PLEK2: variants seen among roughly 807,000 people sequenced by gnomAD.
PLEK2 encodes the protein pleckstrin 2.
A neutral mutation model predicts 43.8 loss-of-function variants in PLEK2; 29 were observed. The observed-to-expected ratio is 0.66, with a 90% CI of 0.49 to 0.90. The LOEUF (loss-of-function observed/expected upper bound fraction) is 0.90, where lower values mean the gene tolerates loss of function less well. PLEK2 is among the 40% of genes least tolerant of loss of function. PLEK2 has a pLI of 0.00. For missense variants in PLEK2, 398 were observed against 448.1 expected (o/e 0.89, Z 1.01); for synonymous variants, 162 against 173.2 (o/e 0.94, Z 0.51).
intron 1 of PLEK2, 71 bp downstream of exon 1, chr14:67,411,947 G>C (rs2086117948): frequency 1.2e-5 from 17 of 1,378,402 alleles, no homozygotes; most frequent in Non-Finnish European, 1.7e-5. Flanking sequence ...GCGCGCGTCT[G>C]GCCCCGCTCT....
chr14:67,409,496 T>C (rs1313378940), intron 1 of PLEK2, among the ~76,000 whole-genome samples: 4 of 152,218 alleles, frequency 2.6e-5, no homozygotes, highest in African/African-American at 9.7e-5. Context: ...CACATTGCAA[T>C]GTTATTCACA....
chr14:67,397,999 G>T, intron 1 of PLEK2, 173 bp from the exon 2 acceptor site: 1 of 449,066 alleles, frequency 2.2e-6, no homozygotes, highest in Non-Finnish European at 3.9e-6. Context: ...AAGACCTTTG[G>T]CACTGACCTT....
At chr14:67,390,087 G>T (rs951231017) in intron 7 of PLEK2, among the ~76,000 whole-genome samples, 1 of 152,150 alleles carries the variant, frequency 6.6e-6, no homozygotes, top group African/African-American at 2.4e-5. Context: ...TAACTAAAGG[G>T]CCCTTTTTCT....
At chr14:67,390,838 C>T (rs185450488) in intron 6 of PLEK2, 92 bp from the exon 7 acceptor site, 203 of 865,292 alleles carry the variant, frequency 2.3e-4, no homozygotes, top group Admixed American at 4.1e-4. Context: ...CCCCAACAAG[C>T]CAGCCCGCTC....
At chr14:67,387,865 ATCT>A (rs1302447605) in intron 8 of PLEK2, among the ~76,000 whole-genome samples, 3 of 152,340 alleles carry the variant, frequency 2.0e-5, no homozygotes, top group African/African-American at 4.8e-5. Flanking sequence ...TGGGAATAAT[ATCT>A]TCTTACTATG....
Position 67,387,345 on chromosome 14 carries a change from A to G in PLEK2, c.1046T>C (p.Ile349Thr). ...KAERAEWIEAIKKLT is the reference protein window; with the variant it reads ...KAERAEWIEATKKLT Reference sequence around the variant, plus strand: ...AGGTCCTTGTCATGTTAGCTTTTTGATAGCTTCAATCCACTCGGCTCGCTC... The same window carrying G: ...AGGTCCTTGTCATGTTAGCTTTTTGGTAGCTTCAATCCACTCGGCTCGCTC... The change falls in exon 9 of 9, where the codon ATC becomes ACC. Residue 349 changes from isoleucine (I) to threonine (T), a missense_variant. Physicochemically the swap from Ile to Thr is moderately conservative, Grantham distance 89 (BLOSUM62 -1). Transcript: ENST00000216446. 1 of 1,609,866 alleles carries G rather than the reference A, an allele frequency of 6.2e-7. No individual in the cohort carries two copies. The highest frequency in any genetic ancestry group is 8.5e-7 in the Non-Finnish European group (1 of 1,178,612).
intron 6 of PLEK2, among the ~76,000 whole-genome samples, chr14:67,391,453 A>G (rs2085967512): frequency 6.6e-6 from 1 of 151,974 alleles, no homozygotes; most frequent in African/African-American, 2.4e-5. Context: ...GACTCCTATC[A>G]GGCCCAGCAG....
intron 1 of PLEK2, among the ~76,000 whole-genome samples, chr14:67,400,670 G>C (rs2086041977): frequency 6.6e-6 from 1 of 151,952 alleles, no homozygotes; most frequent in African/African-American, 2.4e-5. Flanking sequence ...GAGGGAGGTG[G>C]GAGGTGGAGT....
At position 67,390,610 on chromosome 14, in the gene PLEK2, T is replaced by TA. The variant is rs943525271; in HGVS notation, c.855+52_855+53insT. 9 of 1,216,936 alleles carry TA rather than the reference T, an allele frequency of 7.4e-6. No homozygotes were observed. In the African/African-American group the frequency reaches 1.3e-4, roughly 18 times the overall value. 75.4% of individuals were successfully genotyped at this position (1,216,936 alleles called of 1,614,324 possible). ...GCTGCCCGCCATGCCAGGAGAGGAG[T>TA]GTCTGGGGGCATCACAACATGGGAC... is the stretch of plus-strand genomic sequence containing the variant. On this transcript the variant is annotated intron_variant, in intron 7 of 8. Transcript: ENST00000216446.
At chr14:67,409,990 T>C (rs1345818472) in intron 1 of PLEK2, among the ~76,000 whole-genome samples, 4 of 152,022 alleles carry the variant, frequency 2.6e-5, no homozygotes, top group African/African-American at 9.7e-5. Flanking sequence ...TGCCTCAGGG[T>C]CAGGCTCCAT....
chr14:67,397,637 CTGGACAGCAGGGGCCATCA>C lies in PLEK2; in HGVS notation c.207+6_207+24del. On this transcript the variant is annotated splice_donor_region_variant and intron_variant, in intron 2 of 8. Transcript: ENST00000216446. The stretch of plus-strand genomic sequence containing the variant: ...GGGAAGGCTGTGGAACAGAGAGGAG[CTGGACAGCAGGGGCCATCA>C]CTTACCGGTCGGTTTTCATACTCCA... The C allele has an allele frequency of 6.3e-7, 1 of 1,591,314 alleles. No homozygotes were observed. The highest frequency in any genetic ancestry group is 8.6e-7 in the Non-Finnish European group (1 of 1,166,586).
chr14:67,401,477 A>C (rs1373166953), intron 1 of PLEK2, among the ~76,000 whole-genome samples: 1 of 152,122 alleles, frequency 6.6e-6, no homozygotes. Context: ...ATGCCACTAC[A>C]CTGCAGCCTG....
In PLEK2 at chr14:67,392,827, G is replaced by A. The variant is rs1480359075; in HGVS notation, c.504C>T (p.Leu168=). 1 of 1,612,848 alleles carries A rather than the reference G, an allele frequency of 6.2e-7. No homozygotes were observed. The highest frequency in any genetic ancestry group is 8.5e-7 in the Non-Finnish European group (1 of 1,179,148). Residue 168 remains leucine, a synonymous_variant, in exon 5 of 9, where the codon CTC becomes CTT. Transcript: ENST00000216446. ...TFLGSSLVDW[L]ISNSFTASRL... ...GGCTGGCCGTGAAGCTGTTGGAGATGAGCCAGTCCACCAGGGAGGAGCCTG... is the reference window on the plus strand; with the variant it reads ...GGCTGGCCGTGAAGCTGTTGGAGATAAGCCAGTCCACCAGGGAGGAGCCTG...
rs565866322 is a variant in PLEK2 at position 67,412,124 on chromosome 14, C to A, written c.-65G>T. On this transcript the variant is annotated 5_prime_UTR_variant, in exon 1 of 9. Coordinates refer to ENST00000216446, the MANE Select transcript of PLEK2 (RefSeq NM_016445.3). Reference sequence around the variant, plus strand: ...CCCCGCGCCTCGCGCTCCTCGGCACCCGCGCAGCCCGCGCAGTCCGCGCCC... The same window carrying A: ...CCCCGCGCCTCGCGCTCCTCGGCACACGCGCAGCCCGCGCAGTCCGCGCCC... 1.2e-5 allele frequency: 16 copies of A among 1,329,398 alleles called. No individual in the cohort carries two copies. In the South Asian group the frequency reaches 2.3e-4, roughly 19 times the overall value. The allele number at this position is 1,329,398 out of a possible 1,614,324, so 82.4% of individuals were successfully genotyped here. A position where few individuals can be genotyped will look rare whatever the true frequency, so the allele number is the denominator to read the frequency against.
intron 1 of PLEK2, among the ~76,000 whole-genome samples, chr14:67,401,003 A>AATT (rs2086044415): frequency 6.6e-6 from 1 of 151,816 alleles, no homozygotes; most frequent in African/African-American, 2.4e-5. Context: ...AAATAATAAT[A>AATT]ATAATAATAA....
rs56885080 is a variant in PLEK2 at position 67,406,258 on chromosome 14, CAAA to C, written c.42+5757_42+5759del. ...TCGGTGAAAGAGCAAGATTCCATCT[CAAA>C]AAAAAAAAAAAAATGCTAACTTTTG... On this transcript the variant is annotated intron_variant, in intron 1 of 8. Transcript: ENST00000216446. Among the ~76,000 whole-genome samples the C allele has an allele frequency of 5.6e-5, 6 of 107,244 alleles. 1 individual carries two copies. The highest frequency in any genetic ancestry group is 8.7e-5 in the African/African-American group (3 of 34,642). 70.4% of individuals were successfully genotyped at this position (107,244 alleles called of 152,430 possible). A position where few individuals can be genotyped will look rare whatever the true frequency, so the allele number is the denominator to read the frequency against.
chr14:67,401,028 G>A (rs1222299028), intron 1 of PLEK2, among the ~76,000 whole-genome samples: 1 of 151,984 alleles, frequency 6.6e-6, no homozygotes, highest in Non-Finnish European at 1.5e-5. Context: ...AGTATGGGAT[G>A]CACTGTGTGT....
intron 7 of PLEK2, among the ~76,000 whole-genome samples, 196 bp downstream of exon 7, chr14:67,390,467 C>T (rs949172418): frequency 2.0e-5 from 3 of 152,174 alleles, no homozygotes; most frequent in Non-Finnish European, 2.9e-5. Context: ...ATGGAAGAAA[C>T]GGCTCAAGAA....
intron 1 of PLEK2, among the ~76,000 whole-genome samples, chr14:67,410,798 A>G (rs907465222): frequency 6.6e-6 from 1 of 152,304 alleles, no homozygotes; most frequent in East Asian, 1.9e-4. Context: ...CCCTGGATTT[A>G]TATGTCTCTT....
Sources: allele counts gnomAD v4.1 joint callset (sites outside exome capture counted in the v4.1 genomes callset), GRCh38; gene constraint gnomAD v4.1.1; transcripts MANE v1.5; gene names NCBI Gene and HGNC (gene_info 2026-07-23, HGNC 2026-07-21).